Variants in NSMCE2 observed in about 807,000 individuals in gnomAD.
NSMCE2 encodes NSE2 SUMO ligase component of SMC5/6 complex.
Under a neutral mutation model 23.8 loss-of-function variants are expected in NSMCE2, and 24 were observed. The observed-to-expected ratio is 1.01, with a 90% CI of 0.73 to 1.42. The LOEUF (loss-of-function observed/expected upper bound fraction) is 1.42, where lower values mean the gene tolerates loss of function less well. NSMCE2 is among the 40% of genes most tolerant of loss of function. The probability of loss-of-function intolerance (pLI) is 0.00; values close to 1 mark genes in which losing one functional copy is unlikely to be tolerated. For missense variants in NSMCE2, 284 were observed against 296.5 expected (o/e 0.96, Z 0.31); for synonymous variants, 92 against 94.1 (o/e 0.98, Z 0.13).
chr8:125,296,284 A>C (rs142494785), intron 5 of NSMCE2, among the ~76,000 whole-genome samples: 1,808 of 152,128 alleles, frequency 0.012, 9 homozygotes, highest in Non-Finnish European at 0.017. Context: ...AATGAATACT[A>C]TGTTTGTAAG....
intron 5 of NSMCE2, among the ~76,000 whole-genome samples, chr8:125,280,369 G>A (rs1366815119): frequency 5.3e-5 from 8 of 151,478 alleles, no homozygotes; most frequent in Admixed American, 5.3e-4. Flanking sequence ...CTAAACTAAT[G>A]AAATGTCCTT....
intron 5 of NSMCE2, among the ~76,000 whole-genome samples, chr8:125,222,831 G>A (rs1277514059): frequency 6.6e-6 from 1 of 152,162 alleles, no homozygotes; most frequent in African/African-American, 2.4e-5. Flanking sequence ...GGGAGGCTGA[G>A]GTGGGTGGAT....
chr8:125,341,875 A>G (rs937748954), intron 5 of NSMCE2, among the ~76,000 whole-genome samples: 1 of 144,500 alleles, frequency 6.9e-6, no homozygotes, highest in African/African-American at 2.7e-5. Flanking sequence ...TCCATGTGCA[A>G]TGCACTGAGG....
At chr8:125,215,674 C>T (rs573770904) in intron 5 of NSMCE2, among the ~76,000 whole-genome samples, 15 of 152,148 alleles carry the variant, frequency 9.9e-5, no homozygotes, top group African/African-American at 2.7e-4. Context: ...TTAGGTCTAA[C>T]GTTTAAGTCT....
chr8:125,142,508 GT>G (rs1382448323), intron 3 of NSMCE2, among the ~76,000 whole-genome samples: 1 of 152,086 alleles, frequency 6.6e-6, no homozygotes, highest in Admixed American at 6.5e-5. Flanking sequence ...CATATTCACT[GT>G]GTTTGTAAAG....
chr8:125,320,860 T>G (rs1196357528), intron 5 of NSMCE2, among the ~76,000 whole-genome samples: 2 of 152,180 alleles, frequency 1.3e-5, no homozygotes, highest in South Asian at 2.1e-4. Flanking sequence ...GGGCTCACAG[T>G]TCAGTGGGCT....
At chr8:125,348,159 A>G (rs1812860861) in intron 5 of NSMCE2, 2 of 152,234 alleles carry the variant, frequency 1.3e-5, no homozygotes, top group Admixed American at 6.5e-5. Context: ...TGTCTAGCAG[A>G]TAACAGTGGT....
At chr8:125,268,177 T>G (rs1046952001) in intron 5 of NSMCE2, among the ~76,000 whole-genome samples, 10 of 151,332 alleles carry the variant, frequency 6.6e-5, no homozygotes, top group Admixed American at 5.3e-4. Context: ...GAGGCTGCGG[T>G]GAACCATGAT....
chr8:125,320,124 C>T (rs1187322937), intron 5 of NSMCE2, among the ~76,000 whole-genome samples: 10 of 147,744 alleles, frequency 6.8e-5, no homozygotes, highest in African/African-American at 1.8e-4. Flanking sequence ...TTCAATGAGC[C>T]GAGATCACAC....
intron 5 of NSMCE2, among the ~76,000 whole-genome samples, chr8:125,349,251 C>T (rs933122946): frequency 5.3e-5 from 8 of 152,156 alleles, no homozygotes; most frequent in Non-Finnish European, 7.4e-5. Context: ...GAATTTCAAA[C>T]TTGGAATCAA....
intron 1 of NSMCE2, among the ~76,000 whole-genome samples, chr8:125,092,210 TTAAAAG>T (rs1272021105): frequency 1.3e-5 from 2 of 152,142 alleles, no homozygotes; most frequent in Non-Finnish European, 1.5e-5. Context: ...TGAACTGACT[TTAAAAG>T]TAAGGCCACG....
At chr8:125,135,114 C>T (rs573090789) in intron 3 of NSMCE2, among the ~76,000 whole-genome samples, 1 of 152,214 alleles carries the variant, frequency 6.6e-6, no homozygotes, top group South Asian at 2.1e-4. Context: ...GATGGGGTTT[C>T]ACTATGTTGT....
chr8:125,166,886 A>G (rs1262383271), intron 4 of NSMCE2, among the ~76,000 whole-genome samples: 1 of 152,242 alleles, frequency 6.6e-6, no homozygotes, highest in Non-Finnish European at 1.5e-5. Context: ...AAAGTTGGCC[A>G]GGCCTGGTGG....
intron 4 of NSMCE2, among the ~76,000 whole-genome samples, chr8:125,156,612 TG>T (rs1307778017): frequency 6.6e-6 from 1 of 152,212 alleles, no homozygotes. Context: ...CTATGTAGTG[TG>T]GTTTTTCACT....
At chr8:125,302,619 T>C (rs1204518309) in intron 5 of NSMCE2, among the ~76,000 whole-genome samples, 2 of 152,224 alleles carry the variant, frequency 1.3e-5, no homozygotes, top group African/African-American at 2.4e-5. Flanking sequence ...ACCTGTGTTA[T>C]ACTTCTTAAT....
chr8:125,269,602 A>G (rs77090051), intron 5 of NSMCE2, among the ~76,000 whole-genome samples: 9,427 of 152,322 alleles, frequency 0.062, 375 homozygotes, highest in Non-Finnish European at 0.085. Context: ...TGAACATTCA[A>G]TGATCATAGC....
intron 5 of NSMCE2, among the ~76,000 whole-genome samples, chr8:125,228,342 A>G (rs7004396): frequency 0.047 from 7,196 of 152,292 alleles, 575 homozygotes; most frequent in African/African-American, 0.16. Context: ...GGTTAGAATA[A>G]AAGAAGAAAA....
intron 5 of NSMCE2, among the ~76,000 whole-genome samples, chr8:125,207,809 A>T (rs1251975933): frequency 6.6e-6 from 1 of 152,174 alleles, no homozygotes; most frequent in Non-Finnish European, 1.5e-5. Context: ...TCCCTGCTCC[A>T]TGTGGTTGCA....
At chr8:125,240,230 T>C (rs1201631953) in intron 5 of NSMCE2, among the ~76,000 whole-genome samples, 2 of 151,846 alleles carry the variant, frequency 1.3e-5, no homozygotes, top group African/African-American at 2.4e-5. Flanking sequence ...GTTCAAGCCA[T>C]TCTTCTGCCT....
Sources: allele counts gnomAD v4.1 joint callset (sites outside exome capture counted in the v4.1 genomes callset), GRCh38; gene constraint gnomAD v4.1.1; transcripts MANE v1.5; gene names NCBI Gene and HGNC (gene_info 2026-07-23, HGNC 2026-07-21).